Variants in POM121 observed in about 807,000 individuals in gnomAD.
POM121 encodes nuclear envelope pore membrane protein POM 121.
Under a neutral mutation model 81.3 loss-of-function variants are expected in POM121, and 32 were observed. That is an observed-to-expected ratio of 0.39 (90% CI 0.30 to 0.53). The LOEUF (loss-of-function observed/expected upper bound fraction) is 0.53, where lower values mean the gene tolerates loss of function less well. Among genes scored for constraint, POM121 ranks in the 20% least tolerant of loss-of-function variants. POM121 has a pLI of 0.66. For missense variants in POM121, 1,138 were observed against 1,614.6 expected (o/e 0.70, Z 5.06); for synonymous variants, 514 against 694.2 (o/e 0.74, Z 4.08).
At chr7:72,924,059 C>T (rs1430288725), upstream of POM121, among the ~76,000 whole-genome samples, 1 of 151,960 alleles carries the variant, frequency 6.6e-6, no homozygotes, top group Non-Finnish European at 1.5e-5. Flanking sequence ...CATTCTCCTG[C>T]CTCAGCCTCC....
Position 72,948,272 on chromosome 7 carries a change from T to C in POM121, c.*2038T>C, listed in dbSNP as rs1352452008. The C allele has an allele frequency of 6.7e-7, 1 of 1,493,514 alleles. No homozygotes were observed. Among genetic ancestry groups the C allele is most frequent in the African/African-American group, 1.4e-5 (1 of 70,092 alleles). 92.5% of individuals were successfully genotyped at this position (1,493,514 alleles called of 1,614,324 possible). ...GAGATTTTTCTCCTGCTTGTGACAT[T>C]AAGAATAAAAAACTGTGATCTATCG... On this transcript the variant is annotated 3_prime_UTR_variant, in exon 13 of 13. Transcript: ENST00000434423.
chr7:72,948,265 G>GTGAC lies in POM121; in HGVS notation c.*2032_*2035dup. 1 of 1,477,568 alleles carries GTGAC rather than the reference G, an allele frequency of 6.8e-7. No homozygotes were observed. Among genetic ancestry groups the GTGAC allele is most frequent in the East Asian group, 2.4e-5 (1 of 41,546 alleles). 91.5% of individuals were successfully genotyped at this position (1,477,568 alleles called of 1,614,324 possible). On this transcript the variant is annotated 3_prime_UTR_variant, in exon 13 of 13. Coordinates refer to ENST00000434423, the MANE Select transcript of POM121 (RefSeq NM_001387691.1). ...TGAATGTGAGATTTTTCTCCTGCTT[G>GTGAC]TGACATTAAGAATAAAAAACTGTGA...
chr7:72,894,626 G>GGAGA (rs71071923), intron 3 of POM121, among the ~76,000 whole-genome samples: 4 of 23,316 alleles, frequency 1.7e-4, no homozygotes, highest in South Asian at 2.4e-3. Context: ...GAGAGAGAGA[G>GGAGA]GAGAGAGAGA....
At chr7:72,919,120 G>A (rs13243883) in intron 4 of POM121, among the ~76,000 whole-genome samples, 18,023 of 151,142 alleles carry the variant, frequency 0.12, 1,409 homozygotes, top group East Asian at 0.31. Context: ...TGGTCAGTCT[G>A]ATCTAGAACT....
chr7:72,949,823 C>T (rs781954358), downstream of POM121: 2 of 1,332,296 alleles, frequency 1.5e-6, no homozygotes, highest in African/African-American at 1.5e-5. Context: ...CCCATGTCCT[C>T]CTCCTCCTCC....
At chr7:72,927,189 G>C (rs1795542069) in intron 3 of POM121, among the ~76,000 whole-genome samples, 1 of 152,212 alleles carries the variant, frequency 6.6e-6, no homozygotes. Flanking sequence ...GAGTAGTAGA[G>C]ATAAGCTGAC....
At position 72,928,467 on chromosome 7, in the gene POM121, T is replaced by G; in HGVS notation, c.1103+2T>G. On this transcript the variant is annotated splice_donor_variant, in intron 4 of 12. Coordinates refer to ENST00000434423, the MANE Select transcript of POM121 (RefSeq NM_001387691.1). LOFTEE classifies it high-confidence loss of function. Reference sequence around the variant, plus strand: ...AGTCCCCGCTTCTTTTGTGCCTAAGTAAGTGGGAGTCCATCCGGATGAAAT... The same window carrying G: ...AGTCCCCGCTTCTTTTGTGCCTAAGGAAGTGGGAGTCCATCCGGATGAAAT... The G allele has an allele frequency of 6.2e-7, 1 of 1,613,218 alleles. No individual in the cohort carries two copies. The highest frequency in any genetic ancestry group is 1.1e-5 in the South Asian group (1 of 91,074).
chr7:72,884,733 C>T (rs1270600184), intron 1 of POM121, among the ~76,000 whole-genome samples: 1 of 148,970 alleles, frequency 6.7e-6, no homozygotes, highest in African/African-American at 2.4e-5. Flanking sequence ...ATTTATATGC[C>T]TATATACGTG....
At chr7:72,936,120 T>A (rs1554499413) in intron 5 of POM121, among the ~76,000 whole-genome samples, 2 of 152,068 alleles carry the variant, frequency 1.3e-5, no homozygotes, top group Non-Finnish European at 2.9e-5. Context: ...TTCCCCTAAT[T>A]GTTAAACCAG....
rs1379841918 is a variant in POM121 at position 72,928,531 on chromosome 7, C to T, written c.1103+66C>T. 3 of 1,547,758 alleles carry T rather than the reference C, an allele frequency of 1.9e-6. No homozygotes were observed. The East Asian group carries it at 6.8e-5, about 35-fold the overall frequency. On this transcript the variant is annotated intron_variant, in intron 4 of 12. Coordinates refer to ENST00000434423, the MANE Select transcript of POM121 (RefSeq NM_001387691.1). ...AAAAAGGCCTGATCAGAGCTGTTGC[C>T]CTATAGATTTTCCTCTTTGTTTTTT... is the stretch of plus-strand genomic sequence containing the variant.
At chr7:72,938,509 C>T (rs541112093) in intron 5 of POM121, 81 bp from the exon 6 acceptor site, 5 of 1,448,968 alleles carry the variant, frequency 3.5e-6, no homozygotes, top group African/African-American at 1.4e-5. Flanking sequence ...TTTTTTTAGT[C>T]ACTTGAAAAG....
In POM121 at chr7:72,928,164, C is replaced by G. The variant is rs1181369968; in HGVS notation, c.1023-221C>G. ...GAGGTTTGTTGCAGTGAGCCAAGAT[C>G]GTGCTATTGCACTCCAGCCTGGGCA... On this transcript the variant is annotated intron_variant, in intron 3 of 12. Transcript: ENST00000434423. Among the ~76,000 whole-genome samples the G allele has an allele frequency of 2.0e-5, 3 of 152,000 alleles. No individual in the cohort carries two copies. The South Asian group carries it at 6.2e-4, about 32-fold the overall frequency.
In POM121 at chr7:72,939,453, G is replaced by T. The variant is rs782518645; in HGVS notation, c.1441+44G>T. On this transcript the variant is annotated intron_variant, in intron 7 of 12. Transcript: ENST00000434423. ...AGGAGGGGCTGCTGTTGGTGGTGGA[G>T]GTGTTTGTGGAGGATGTAGAGATTA... The T allele has an allele frequency of 3.7e-6, 6 of 1,611,010 alleles. No individual in the cohort carries two copies. In the African/African-American group the frequency reaches 6.7e-5, roughly 18 times the overall value.
intron 8 of POM121, 126 bp downstream of exon 8, chr7:72,940,094 T>A (rs1339006601): frequency 8.1e-7 from 1 of 1,234,764 alleles, no homozygotes; most frequent in Non-Finnish European, 1.1e-6. Context: ...TGAGACAACA[T>A]CCCTCTGTCA....
intron 11 of POM121, among the ~76,000 whole-genome samples, chr7:72,944,754 TGTG>T (rs576640235): frequency 0.01 from 1,522 of 151,434 alleles, 16 homozygotes; most frequent in African/African-American, 0.035. Flanking sequence ...CCGGAGCAGT[TGTG>T]GTGACAGTGT....
rs1393576813 is a variant in POM121 at position 72,890,750 on chromosome 7, C to A, written c.-397C>A. The A allele has an allele frequency of 3.3e-5, 53 of 1,600,646 alleles. 2 individuals carry two copies. Among genetic ancestry groups the A allele is most frequent in the Non-Finnish European group, 4.4e-5 (51 of 1,171,142 alleles). ...GGAGAACTACAGCCATCTAGTTTCC[C>A]TGGGTGAGGATAGCTTGCTTTCTGA... is the stretch of plus-strand genomic sequence containing the variant. On this transcript the variant is annotated 5_prime_UTR_variant, in exon 2 of 16. Transcript: ENST00000395270.
At chr7:72,930,350 A>C (rs1328265767) in intron 5 of POM121, among the ~76,000 whole-genome samples, 4 of 152,252 alleles carry the variant, frequency 2.6e-5, no homozygotes, top group African/African-American at 9.6e-5. Flanking sequence ...AGGTTTACTG[A>C]TCACCTTCTA....
At chr7:72,894,256 C>T (rs1356015409) in intron 3 of POM121, among the ~76,000 whole-genome samples, 11 of 151,624 alleles carry the variant, frequency 7.3e-5, no homozygotes, top group Non-Finnish European at 1.0e-4. Context: ...GGCGACAGAG[C>T]GAGACTCTGT....
intron 12 of POM121, 109 bp downstream of exon 12, chr7:72,945,817 G>C (rs1164853551): frequency 2.0e-5 from 29 of 1,477,418 alleles, no homozygotes; most frequent in Non-Finnish European, 2.6e-5. Flanking sequence ...TTCAGCACAG[G>C]AAAGACATTT....
Sources: gnomAD v4.1 joint callset for allele counts (sites outside exome capture counted in the v4.1 genomes callset) on GRCh38, gnomAD v4.1.1 for gene constraint, MANE v1.5 for transcripts, NCBI Gene and HGNC (gene_info 2026-07-23, HGNC 2026-07-21) for gene names.